The following CAGE1 variants were observed in gnomAD, a reference collection of about 807,000 sequenced individuals.
The protein encoded by CAGE1 is cancer antigen 1.
Under a neutral mutation model 94.9 loss-of-function variants are expected in CAGE1, and 66 were observed. That is an observed-to-expected ratio of 0.70 (90% CI 0.57 to 0.85). The LOEUF (loss-of-function observed/expected upper bound fraction) is 0.85. Among genes scored for constraint, CAGE1 ranks in the 40% least tolerant of loss-of-function variants. The pLI is 0.00. For missense variants in CAGE1, 865 were observed against 950.4 expected (o/e 0.91, Z 1.18); for synonymous variants, 319 against 321.0 (o/e 0.99, Z 0.07).
chr6:7,373,466 CTCT>C lies in CAGE1; in HGVS notation c.1350_1352del (p.Glu451del), dbSNP rs765952652. On this transcript the variant is annotated inframe_deletion, in exon 5 of 14. Coordinates refer to ENST00000502583, the MANE Select transcript of CAGE1 (RefSeq NM_001170692.2). Reference sequence around the variant, plus strand: ...TTTTGAGTTGTTGTAGTCTCTCTACCTCTTCTTCTTTCTTGCTTAAGGTTTTGT... The same window carrying C: ...TTTTGAGTTGTTGTAGTCTCTCTACCTCTTCTTTCTTGCTTAAGGTTTTGT... 54 of 1,613,796 alleles carry C rather than the reference CTCT, an allele frequency of 3.3e-5. No individual in the cohort carries two copies. The highest frequency in any genetic ancestry group is 2.5e-4 in the Admixed American group (15 of 59,998).
intron 4 of CAGE1, among the ~76,000 whole-genome samples, chr6:7,374,559 T>C (rs1760670825): frequency 6.6e-6 from 1 of 152,110 alleles, no homozygotes. Context: ...TACATGTTAT[T>C]ACTGGGCCAA....
At chr6:7,351,984 G>A (rs761415276) in intron 11 of CAGE1, among the ~76,000 whole-genome samples, 9 of 152,078 alleles carry the variant, frequency 5.9e-5, no homozygotes, top group Non-Finnish European at 1.2e-4. Flanking sequence ...AGACAAGGAT[G>A]CCCACTCTCA....
chr6:7,381,643 C>G (rs372007525), intron 3 of CAGE1, among the ~76,000 whole-genome samples: 2 of 151,564 alleles, frequency 1.3e-5, no homozygotes, highest in Middle Eastern at 3.4e-3. Context: ...ATTCTCATGC[C>G]TCAGCCTCCC....
chr6:7,353,943 G>C (rs1297211510), intron 11 of CAGE1, among the ~76,000 whole-genome samples: 1 of 152,044 alleles, frequency 6.6e-6, no homozygotes, highest in Admixed American at 6.6e-5. Context: ...GACTTGTGGG[G>C]AAGTGTGGAA....
intron 11 of CAGE1, among the ~76,000 whole-genome samples, chr6:7,346,574 C>T (rs775855361): frequency 2.2e-4 from 33 of 150,640 alleles, no homozygotes; most frequent in East Asian, 5.9e-4. Context: ...TAGCTGGGCA[C>T]GGTGGTTCAC....
At chr6:7,359,315 G>A (rs1219547466) in intron 9 of CAGE1, among the ~76,000 whole-genome samples, 3 of 152,192 alleles carry the variant, frequency 2.0e-5, no homozygotes, top group African/African-American at 7.2e-5. Flanking sequence ...CCAAAGTGCT[G>A]GGATTACAGG....
chr6:7,376,566 G>T (rs959175735), intron 4 of CAGE1, among the ~76,000 whole-genome samples: 1 of 151,992 alleles, frequency 6.6e-6, no homozygotes, highest in South Asian at 2.1e-4. Context: ...CTCCAGAACC[G>T]TGAGCCAGAT....
At chr6:7,387,238 A>AGTT (rs2113482455) in intron 1 of CAGE1, 42 bp from the exon 2 acceptor site, 1 of 1,175,902 alleles carries the variant, frequency 8.5e-7, no homozygotes, top group East Asian at 2.6e-5. Context: ...ATAAACAAAA[A>AGTT]GTTTTTTCCC....
chr6:7,342,115 C>G (rs1371570874), intron 11 of CAGE1: 2 of 981,294 alleles, frequency 2.0e-6, no homozygotes, highest in Admixed American at 1.7e-5. Context: ...TAGGTCACGG[C>G]TGATGAAGGC....
intron 12 of CAGE1, 39 bp from the exon 13 acceptor site, chr6:7,329,927 A>AG (rs373081056): frequency 1.9e-5 from 18 of 924,538 alleles, no homozygotes; most frequent in Middle Eastern, 2.2e-4. Context: ...AAAAGGAGGA[A>AG]GGGGGGACTG....
At chr6:7,329,961 T>TA in intron 12 of CAGE1, 73 bp from the exon 13 acceptor site, 1 of 663,282 alleles carries the variant, frequency 1.5e-6, no homozygotes, top group Non-Finnish European at 2.7e-6. Flanking sequence ...GGTGAGCAAG[T>TA]TGCCATTATT....
intron 11 of CAGE1, chr6:7,341,143 T>C: frequency 3.5e-6 from 2 of 565,476 alleles, no homozygotes; most frequent in Non-Finnish European, 6.9e-6. Flanking sequence ...CCACAGCCGG[T>C]AGTTATTGGT....
chr6:7,337,100 A>C (rs1758980354), intron 11 of CAGE1, among the ~76,000 whole-genome samples: 1 of 152,026 alleles, frequency 6.6e-6, no homozygotes, highest in Non-Finnish European at 1.5e-5. Context: ...AGGTGGGTGG[A>C]TCATGAGGTC....
rs764455692 is a variant in CAGE1 at position 7,389,724 on chromosome 6, G to C, written c.-546C>G. 3.6e-6 allele frequency: 2 copies of C among 550,780 alleles called. No homozygotes were observed. The highest frequency in any genetic ancestry group is 4.9e-4 in the Middle Eastern group (1 of 2,042). 34.1% of individuals were successfully genotyped at this position (550,780 alleles called of 1,614,324 possible). A position where few individuals can be genotyped will look rare whatever the true frequency, so the allele number is the denominator to read the frequency against. The stretch of plus-strand genomic sequence containing the variant: ...CAGAACATCCACAGCCCTATACAGC[G>C]CGCCATCCAGAGAGCTCCGGACTCC... On this transcript the variant is annotated 5_prime_UTR_variant, in exon 1 of 14. Coordinates refer to ENST00000502583, the MANE Select transcript of CAGE1 (RefSeq NM_001170692.2).
At chr6:7,381,558 A>T in intron 3 of CAGE1, among the ~76,000 whole-genome samples, 3 of 146,954 alleles carry the variant, frequency 2.0e-5, no homozygotes, top group African/African-American at 2.5e-5. Flanking sequence ...TTTGAGACAG[A>T]GTCTCTGTCA....
At chr6:7,383,933 G>A (rs1761025182) in intron 3 of CAGE1, among the ~76,000 whole-genome samples, 1 of 152,048 alleles carries the variant, frequency 6.6e-6, no homozygotes, top group South Asian at 2.1e-4. Flanking sequence ...ATTTGTTGTT[G>A]CTAGTGCATT....
chr6:7,345,757 A>G (rs1314201982), intron 11 of CAGE1, among the ~76,000 whole-genome samples: 1 of 151,620 alleles, frequency 6.6e-6, no homozygotes, highest in East Asian at 1.9e-4. Flanking sequence ...CCCCGTCTCT[A>G]CTAAAAATAC....
chr6:7,384,809 C>T (rs886989768), intron 3 of CAGE1, among the ~76,000 whole-genome samples: 8 of 151,654 alleles, frequency 5.3e-5, no homozygotes, highest in Non-Finnish European at 7.4e-5. Flanking sequence ...CAGCCTCCCG[C>T]GCTCAGGTAA....
intron 11 of CAGE1, among the ~76,000 whole-genome samples, chr6:7,340,310 A>G (rs919676060): frequency 5.3e-5 from 8 of 152,084 alleles, no homozygotes; most frequent in African/African-American, 7.2e-5. Context: ...TAGATTCTGT[A>G]TATTAGCCCT....
Sources: allele counts gnomAD v4.1 joint callset (sites outside exome capture counted in the v4.1 genomes callset), GRCh38; gene constraint gnomAD v4.1.1; transcripts MANE v1.5; gene names NCBI Gene and HGNC (gene_info 2026-07-23, HGNC 2026-07-21).